Variants in NKAIN2 observed in about 807,000 individuals in gnomAD.
NKAIN2 encodes the protein sodium/potassium transporting ATPase interacting 2.
NKAIN2 carries 14 observed loss-of-function variants against 32.6 expected under a neutral mutation model. The observed-to-expected ratio is 0.43, with a 90% CI of 0.28 to 0.67. The LOEUF is 0.67. Ranked by LOEUF, NKAIN2 falls within the 30% of genes least tolerant of loss-of-function variation. The pLI, the probability that NKAIN2 is intolerant of heterozygous loss-of-function variation, is 0.17. For synonymous variants in NKAIN2, 80 were observed against 87.2 expected (o/e 0.92, Z 0.46); for missense variants, 198 against 258.3 (o/e 0.77, Z 1.60).
At chr6:124,702,127 A>G (rs1774821563) in intron 4 of NKAIN2, among the ~76,000 whole-genome samples, 1 of 152,110 alleles carries the variant, frequency 6.6e-6, no homozygotes, top group African/African-American at 2.4e-5. Context: ...CTATATATAT[A>G]TTTGCCTATC....
At position 124,474,587 on chromosome 6, in the gene NKAIN2, C is replaced by T. The variant is rs145480897; in HGVS notation, c.273+119240C>T. On this transcript the variant is annotated intron_variant, in intron 3 of 6. Coordinates refer to ENST00000368417, the MANE Select transcript of NKAIN2 (RefSeq NM_001040214.3). Reference sequence around the variant, plus strand: ...GCATACATACTTTCAATTAAAAATGCAAAAACCAAATATTTTAAAGATCAC... The same window carrying T: ...GCATACATACTTTCAATTAAAAATGTAAAAACCAAATATTTTAAAGATCAC... Among the ~76,000 whole-genome samples, 675 of 151,954 alleles carry T rather than the reference C, an allele frequency of 4.4e-3. 1 individual carries two copies. The highest frequency in any genetic ancestry group is 6.0e-3 in the Non-Finnish European group (409 of 67,932).
chr6:124,755,416 C>CATACCTCATAGACATA (rs1777919050), intron 4 of NKAIN2, among the ~76,000 whole-genome samples: 1 of 152,068 alleles, frequency 6.6e-6, no homozygotes, highest in South Asian at 2.1e-4. Context: ...TCTGGCAACA[C>CATACCTCATAGACATA]CCTCATAGAC....
At chr6:123,905,821 T>C (rs1017257535) in intron 1 of NKAIN2, among the ~76,000 whole-genome samples, 1 of 152,182 alleles carries the variant, frequency 6.6e-6, no homozygotes, top group Admixed American at 6.5e-5. Context: ...TCATTAGTCC[T>C]AGATTGAATT....
chr6:124,772,418 G>A (rs1160885469), intron 4 of NKAIN2, among the ~76,000 whole-genome samples: 1 of 152,142 alleles, frequency 6.6e-6, no homozygotes, highest in Non-Finnish European at 1.5e-5. Context: ...ATGAGTTTGA[G>A]ACACACAGAG....
At chr6:124,333,160 T>C (rs1233089239) in intron 2 of NKAIN2, among the ~76,000 whole-genome samples, 1 of 152,202 alleles carries the variant, frequency 6.6e-6, no homozygotes, top group South Asian at 2.1e-4. Flanking sequence ...ATATAGAATA[T>C]ATGTATAGCA....
chr6:124,580,298 CAT>C (rs1354962182), intron 3 of NKAIN2, among the ~76,000 whole-genome samples: 14 of 152,232 alleles, frequency 9.2e-5, no homozygotes, highest in African/African-American at 3.4e-4. Context: ...CTCTTCAAGA[CAT>C]AGACAATACA....
intron 1 of NKAIN2, among the ~76,000 whole-genome samples, chr6:123,941,787 T>C (rs1776838896): frequency 6.6e-6 from 1 of 151,952 alleles, no homozygotes; most frequent in Admixed American, 6.6e-5. Flanking sequence ...TTCCCCATGA[T>C]TGGCTTTTGT....
intron 4 of NKAIN2, among the ~76,000 whole-genome samples, chr6:124,776,607 G>A (rs920115591): frequency 2.6e-5 from 4 of 152,154 alleles, no homozygotes; most frequent in African/African-American, 9.7e-5. Flanking sequence ...GCTCTTAAGG[G>A]TAGGGTTGTG....
chr6:124,164,618 G>A (rs371294510), intron 1 of NKAIN2, among the ~76,000 whole-genome samples: 5 of 152,118 alleles, frequency 3.3e-5, no homozygotes, highest in East Asian at 3.9e-4. Flanking sequence ...TGTTGATTAC[G>A]TAAGAGTAAA....
At chr6:124,446,986 C>A (rs11154239) in intron 3 of NKAIN2, among the ~76,000 whole-genome samples, 102,441 of 151,890 alleles carry the variant, frequency 0.67, 37,370 homozygotes, top group South Asian at 0.81. Context: ...CCAACAACAA[C>A]GAATAATTAA....
chr6:124,333,467 C>T (rs1428971913), intron 2 of NKAIN2, among the ~76,000 whole-genome samples: 1 of 151,996 alleles, frequency 6.6e-6, no homozygotes, highest in Non-Finnish European at 1.5e-5. Context: ...GGAGACCAGC[C>T]TGGCCAACAT....
At chr6:124,634,051 G>C (rs1421604495) in intron 3 of NKAIN2, among the ~76,000 whole-genome samples, 2 of 150,812 alleles carry the variant, frequency 1.3e-5, no homozygotes, top group Non-Finnish European at 2.9e-5. Flanking sequence ...CAGAACAAAA[G>C]CCAAAGCACT....
intron 1 of NKAIN2, among the ~76,000 whole-genome samples, chr6:124,012,043 A>C (rs999504895): frequency 2.0e-5 from 3 of 152,198 alleles, no homozygotes; most frequent in African/African-American, 7.2e-5. Context: ...TATTGTAAAA[A>C]ATTATGGAGG....
chr6:123,946,667 TTGTAATAC>T (rs1777078531), intron 1 of NKAIN2, among the ~76,000 whole-genome samples: 1 of 152,220 alleles, frequency 6.6e-6, no homozygotes, highest in Non-Finnish European at 1.5e-5. Flanking sequence ...AGATCTGATA[TTGTAATAC>T]TGTGATAGAG....
At chr6:124,775,182 G>C (rs557570286) in intron 4 of NKAIN2, among the ~76,000 whole-genome samples, 2 of 152,262 alleles carry the variant, frequency 1.3e-5, no homozygotes, top group African/African-American at 4.8e-5. Flanking sequence ...GAACTATTGA[G>C]TATTCATTGG....
chr6:124,515,706 G>A (rs567432974), intron 3 of NKAIN2, among the ~76,000 whole-genome samples: 141 of 3,652 alleles, frequency 0.039, 1 homozygote, highest in Admixed American at 0.043. Flanking sequence ...ATTTTTCTTC[G>A]CTTTCTCTCC....
intron 2 of NKAIN2, among the ~76,000 whole-genome samples, chr6:124,334,511 C>T (rs1307415939): frequency 6.7e-6 from 1 of 150,134 alleles, no homozygotes; most frequent in South Asian, 2.1e-4. Flanking sequence ...ACTGATTGGT[C>T]AGGCTGTAGC....
chr6:124,562,418 A>G (rs773059234), intron 3 of NKAIN2, among the ~76,000 whole-genome samples: 2 of 152,234 alleles, frequency 1.3e-5, no homozygotes, highest in Non-Finnish European at 2.9e-5. Flanking sequence ...TATTTTTCAT[A>G]GAAGAAAATA....
At chr6:123,950,161 C>T (rs1582829442) in intron 1 of NKAIN2, among the ~76,000 whole-genome samples, 1 of 151,886 alleles carries the variant, frequency 6.6e-6, no homozygotes, top group Non-Finnish European at 1.5e-5. Context: ...GGTGTATTAT[C>T]GTTTTAATGT....
Sources: gnomAD v4.1 joint callset for allele counts (sites outside exome capture counted in the v4.1 genomes callset) on GRCh38, gnomAD v4.1.1 for gene constraint, MANE v1.5 for transcripts, NCBI Gene and HGNC (gene_info 2026-07-23, HGNC 2026-07-21) for gene names.